GRIN2A: variants seen among roughly 807,000 people sequenced by gnomAD.
The protein encoded by GRIN2A is glutamate ionotropic receptor NMDA type subunit 2A.
A neutral mutation model predicts 113.4 loss-of-function variants in GRIN2A; 22 were observed. The ratio of observed to expected loss-of-function variants is 0.19; its 90% CI spans 0.14 to 0.28. GRIN2A has a LOEUF of 0.28. GRIN2A is among the 10% of genes least tolerant of loss of function. GRIN2A has a pLI of 1.00. For missense variants in GRIN2A, 1,502 were observed against 1,887.0 expected (o/e 0.80, Z 3.78); for synonymous variants, 827 against 738.4 (o/e 1.12, Z -1.94).
intron 2 of GRIN2A, among the ~76,000 whole-genome samples, chr16:10,057,845 G>T (rs2047481214): frequency 6.6e-6 from 1 of 152,230 alleles, no homozygotes; most frequent in African/African-American, 2.4e-5. Context: ...ATAAACAAAA[G>T]CGCAGACATC....
At chr16:10,072,896 A>T (rs989121607) in intron 2 of GRIN2A, among the ~76,000 whole-genome samples, 2 of 151,504 alleles carry the variant, frequency 1.3e-5, no homozygotes, top group Non-Finnish European at 2.9e-5. Flanking sequence ...CAGAAGGAAA[A>T]ATGTGCTCAG....
chr16:10,165,528 GTATATATA>G (rs962754645), intron 2 of GRIN2A, among the ~76,000 whole-genome samples: 3 of 133,064 alleles, frequency 2.3e-5, no homozygotes, highest in East Asian at 4.5e-4. Context: ...ATATATATAT[GTATATATA>G]TATACTGACA....
intron 4 of GRIN2A, among the ~76,000 whole-genome samples, chr16:9,869,080 C>T (rs910331853): frequency 7.9e-5 from 12 of 152,148 alleles, no homozygotes; most frequent in African/African-American, 2.9e-4. Flanking sequence ...TTCTGTTTGC[C>T]TTTATGGCCC....
chr16:10,158,854 A>T (rs536125160), intron 2 of GRIN2A, among the ~76,000 whole-genome samples: 1 of 152,348 alleles, frequency 6.6e-6, no homozygotes, highest in East Asian at 1.9e-4. Context: ...GTCACACAAC[A>T]TTGTGAACGT....
At chr16:9,872,877 CAAAAT>C (rs113730152) in intron 4 of GRIN2A, among the ~76,000 whole-genome samples, 34,268 of 151,702 alleles carry the variant, frequency 0.23, 4,002 homozygotes, top group African/African-American at 0.25. Flanking sequence ...AAAAACAAAA[CAAAAT>C]AAAAACAAAA....
chr16:9,938,240 C>T lies in GRIN2A; in HGVS notation c.726G>A (p.Glu242=), dbSNP rs750928387. 11 of 1,614,120 alleles carry T rather than the reference C, an allele frequency of 6.8e-6. No homozygotes were observed. The East Asian group carries it at 2.5e-4, about 36-fold the overall frequency. Residue 242 remains glutamate, a synonymous_variant, in exon 3 of 13, where the codon GAG becomes GAA. Transcript: ENST00000330684. Reference sequence around the variant, plus strand: ...ACCCGGTGAGGCCAAGGGAGCGGGCCTCACTCAGAATGAGAACAGCCTCGT... The same window carrying T: ...ACCCGGTGAGGCCAAGGGAGCGGGCTTCACTCAGAATGAGAACAGCCTCGT... ...SKDEAVLILS[E]ARSLGLTGYD...
chr16:9,786,377 G>C (rs1902230610), intron 11 of GRIN2A, among the ~76,000 whole-genome samples: 1 of 152,116 alleles, frequency 6.6e-6, no homozygotes, highest in Admixed American at 6.5e-5. Context: ...AAATTAGGCT[G>C]GGCCTGCTCC....
intron 2 of GRIN2A, among the ~76,000 whole-genome samples, chr16:10,029,448 C>G (rs1019850174): frequency 1.3e-5 from 2 of 152,238 alleles, no homozygotes; most frequent in Admixed American, 1.3e-4. Context: ...CCCGCCTCGG[C>G]CTCCCGAAGT....
In GRIN2A at chr16:9,884,801, G is replaced by A. The variant is rs1282892684; in HGVS notation, c.1122+6185C>T. ...GTCTCACTCTGTGGCCCAGGCTGGA[G>A]TGCAGTGGTGTGATCTGGGTTCACT... On this transcript the variant is annotated intron_variant, in intron 4 of 12. Transcript: ENST00000330684. Among the ~76,000 whole-genome samples, 4 of 148,592 alleles carry A rather than the reference G, an allele frequency of 2.7e-5. No homozygotes were observed. In the South Asian group the frequency reaches 6.6e-4, roughly 24 times the overall value.
chr16:10,102,639 T>C (rs941845664), intron 2 of GRIN2A, among the ~76,000 whole-genome samples: 2 of 152,094 alleles, frequency 1.3e-5, no homozygotes, highest in Non-Finnish European at 2.9e-5. Flanking sequence ...CTTCGCCTCC[T>C]AGGTTCAAGC....
At chr16:9,815,789 CAA>C (rs1246749621) in intron 10 of GRIN2A, among the ~76,000 whole-genome samples, 1 of 152,104 alleles carries the variant, frequency 6.6e-6, no homozygotes, top group Non-Finnish European at 1.5e-5. Flanking sequence ...CAAAAAAAAC[CAA>C]AGTCTCAAAA....
At chr16:9,921,361 G>C (rs748064061) in intron 3 of GRIN2A, among the ~76,000 whole-genome samples, 1 of 152,104 alleles carries the variant, frequency 6.6e-6, no homozygotes, top group Non-Finnish European at 1.5e-5. Flanking sequence ...AGACGTCCTC[G>C]GACCGCATGA....
chr16:10,160,399 C>T (rs1157732385), intron 2 of GRIN2A, among the ~76,000 whole-genome samples: 1 of 152,174 alleles, frequency 6.6e-6, no homozygotes, highest in Non-Finnish European at 1.5e-5. Context: ...TGAGCAAGTT[C>T]GTTTCTAGCT....
At chr16:10,039,838 G>GAGAGAGAGAGAGAC (rs1567254030) in intron 2 of GRIN2A, among the ~76,000 whole-genome samples, 1 of 95,836 alleles carries the variant, frequency 1.0e-5, no homozygotes, top group African/African-American at 4.8e-5. Context: ...AGAGAGAGGA[G>GAGAGAGAGAGAGAC]TCCTGGTCCA....
intron 11 of GRIN2A, among the ~76,000 whole-genome samples, chr16:9,769,512 C>T (rs1901135331): frequency 1.4e-5 from 2 of 143,302 alleles, no homozygotes; most frequent in South Asian, 4.5e-4. Flanking sequence ...TCCCTTACCC[C>T]TGCCCCCAAT....
intron 2 of GRIN2A, among the ~76,000 whole-genome samples, chr16:9,996,946 T>A (rs1481225806): frequency 6.6e-6 from 1 of 152,172 alleles, no homozygotes; most frequent in Non-Finnish European, 1.5e-5. Context: ...AGTAGCTAAT[T>A]GCTATGACAT....
At position 10,180,774 on chromosome 16, in the gene GRIN2A, G is replaced by A; in HGVS notation, c.-18-345C>T. 2.3e-6 allele frequency: 1 copy of A among 439,196 alleles called. No homozygotes were observed. The highest frequency in any genetic ancestry group is 4.5e-5 in the East Asian group (1 of 22,082). 27.2% of individuals were successfully genotyped at this position (439,196 alleles called of 1,614,324 possible). A position where few individuals can be genotyped will look rare whatever the true frequency, so the allele number is the denominator to read the frequency against. On this transcript the variant is annotated intron_variant, in intron 1 of 12. Coordinates refer to ENST00000330684, the MANE Select transcript of GRIN2A (RefSeq NM_001134407.3). This position sits in a 1 kb window ranked among gnomAD's most constrained non-coding sequence, Gnocchi z 7.0. The stretch of plus-strand genomic sequence containing the variant: ...GCGGGCCACAGACCCTAAGCGCCGC[G>A]CGTGTTCTGTACCCCACCAAGCTCC...
chr16:9,964,714 C>G (rs1045069092), intron 2 of GRIN2A, among the ~76,000 whole-genome samples: 1 of 152,258 alleles, frequency 6.6e-6, no homozygotes, highest in Non-Finnish European at 1.5e-5. Flanking sequence ...CTTTCTCTGT[C>G]CACATCCTGG....
intron 2 of GRIN2A, among the ~76,000 whole-genome samples, chr16:9,975,267 A>G (rs965025202): frequency 9.2e-5 from 14 of 152,164 alleles, no homozygotes; most frequent in Admixed American, 1.3e-4. Context: ...GAACCTCTGA[A>G]TGTGTTATGT....
Sources: allele counts gnomAD v4.1 joint callset (sites outside exome capture counted in the v4.1 genomes callset), GRCh38; gene constraint gnomAD v4.1.1; non-coding constraint Gnocchi (gnomAD v3.1); transcripts MANE v1.5; gene names NCBI Gene and HGNC (gene_info 2026-07-23, HGNC 2026-07-21).